The following SOS2 variants were observed in gnomAD, a reference collection of about 807,000 sequenced individuals.
SOS2 encodes the protein SOS Ras/Rho guanine nucleotide exchange factor 2.
Under a neutral mutation model 148.2 loss-of-function variants are expected in SOS2, and 65 were observed. The ratio of observed to expected loss-of-function variants is 0.44; its 90% CI spans 0.36 to 0.54. The LOEUF is 0.54. SOS2 is among the 20% of genes least tolerant of loss of function. The pLI is 0.00. For missense variants in SOS2, 1,341 were observed against 1,590.2 expected (o/e 0.84, Z 2.67); for synonymous variants, 539 against 537.1 (o/e 1.00, Z -0.05).
intron 14 of SOS2, among the ~76,000 whole-genome samples, chr14:50,146,552 A>C (rs945723140): frequency 6.6e-6 from 1 of 151,906 alleles, no homozygotes; most frequent in Non-Finnish European, 1.5e-5. Context: ...AGGCTGAGGC[A>C]GGAGAATCGC....
At chr14:50,228,301 C>T (rs916392853) in intron 1 of SOS2, among the ~76,000 whole-genome samples, 8 of 152,012 alleles carry the variant, frequency 5.3e-5, no homozygotes, top group African/African-American at 9.7e-5. Context: ...GCCTCAGCCT[C>T]CCAGAGTGCT....
intron 1 of SOS2, among the ~76,000 whole-genome samples, chr14:50,229,249 A>G (rs997786081): frequency 6.6e-6 from 1 of 152,180 alleles, no homozygotes; most frequent in Admixed American, 6.5e-5. Context: ...ATATAAAAAA[A>G]TTTTCCATAC....
At chr14:50,165,341 T>G (rs768933670) in intron 8 of SOS2, among the ~76,000 whole-genome samples, 1 of 152,234 alleles carries the variant, frequency 6.6e-6, no homozygotes, top group African/African-American at 2.4e-5. Flanking sequence ...TTCTATTGTC[T>G]CTTTTATTCT....
intron 5 of SOS2, among the ~76,000 whole-genome samples, chr14:50,187,906 A>G (rs1400505935): frequency 6.6e-6 from 1 of 152,172 alleles, no homozygotes; most frequent in Non-Finnish European, 1.5e-5. Flanking sequence ...TTCCTAGACC[A>G]TACATCTTTT....
At chr14:50,155,828 T>C (rs1296233380) in intron 12 of SOS2, 1 of 151,342 alleles carries the variant, frequency 6.6e-6, no homozygotes, top group East Asian at 1.9e-4. Context: ...AGCAACCTCA[T>C]AAATGTATGT....
chr14:50,193,590 T>A (rs941980778), intron 4 of SOS2, among the ~76,000 whole-genome samples: 1 of 152,110 alleles, frequency 6.6e-6, no homozygotes, highest in Non-Finnish European at 1.5e-5. Context: ...ATTAAAGATA[T>A]CCCTAGAAAC....
At chr14:50,227,541 G>A (rs1387181547) in intron 1 of SOS2, among the ~76,000 whole-genome samples, 2 of 152,106 alleles carry the variant, frequency 1.3e-5, no homozygotes, top group East Asian at 1.9e-4. Flanking sequence ...AGCCTCCCGA[G>A]TAGCTGGGAC....
intron 2 of SOS2, among the ~76,000 whole-genome samples, chr14:50,203,626 A>G (rs1042194879): frequency 2.6e-5 from 4 of 152,060 alleles, no homozygotes; most frequent in African/African-American, 9.7e-5. Context: ...ACATACATAT[A>G]CATTTTTTTA....
chr14:50,172,415 A>ACTGCTTTTTTTTTT (rs1885392060), intron 8 of SOS2, among the ~76,000 whole-genome samples: 1 of 21,524 alleles, frequency 4.6e-5, no homozygotes, highest in Non-Finnish European at 8.9e-5. Flanking sequence ...CTCTTTATTC[A>ACTGCTTTTTTTTTT]TTCCTTTTTT....
At chr14:50,187,247 A>G (rs1393113313) in intron 5 of SOS2, among the ~76,000 whole-genome samples, 1 of 152,064 alleles carries the variant, frequency 6.6e-6, no homozygotes, top group Non-Finnish European at 1.5e-5. Flanking sequence ...CTTGGCCTCA[A>G]GCAATCCTCC....
intron 1 of SOS2, among the ~76,000 whole-genome samples, chr14:50,221,423 G>C (rs1887199111): frequency 6.6e-6 from 1 of 151,990 alleles, no homozygotes; most frequent in South Asian, 2.1e-4. Context: ...AGTAAAGCAG[G>C]GTCTCCTTTT....
At chr14:50,224,318 C>T (rs1209604362) in intron 1 of SOS2, among the ~76,000 whole-genome samples, 2,042 of 15,026 alleles carry the variant, frequency 0.14, 84 homozygotes, top group Middle Eastern at 0.27. Flanking sequence ...TATATATACA[C>T]ACACACACAC....
At chr14:50,214,842 T>C (rs952256194) in intron 1 of SOS2, among the ~76,000 whole-genome samples, 2 of 150,528 alleles carry the variant, frequency 1.3e-5, no homozygotes, top group African/African-American at 2.4e-5. Flanking sequence ...TTCTTTCTTT[T>C]TTTTTTTTTT....
At chr14:50,180,269 G>A (rs1885688654) in intron 7 of SOS2, among the ~76,000 whole-genome samples, 1 of 149,322 alleles carries the variant, frequency 6.7e-6, no homozygotes, top group Admixed American at 6.8e-5. Flanking sequence ...CTCCCAAAAT[G>A]CTGGGATTCT....
At position 50,208,283 on chromosome 14, in the gene SOS2, T is replaced by C. The variant is rs149246356; in HGVS notation, c.88-3874A>G. Among the ~76,000 whole-genome samples, 394 of 147,406 alleles carry C rather than the reference T, an allele frequency of 2.7e-3. 1 individual carries two copies. Among genetic ancestry groups the C allele is most frequent in the South Asian group, 0.014 (66 of 4,636 alleles). ...TGTTGCACTCCAGCCTGGGTGAGAGTGAGACTCTGTCTCAAACAAACAAAT... is the reference window on the plus strand; with the variant it reads ...TGTTGCACTCCAGCCTGGGTGAGAGCGAGACTCTGTCTCAAACAAACAAAT... On this transcript the variant is annotated intron_variant, in intron 1 of 22. Coordinates refer to ENST00000216373, the MANE Select transcript of SOS2 (RefSeq NM_006939.4).
chr14:50,201,896 G>A (rs1455593471), intron 2 of SOS2, among the ~76,000 whole-genome samples: 1 of 152,182 alleles, frequency 6.6e-6, no homozygotes, highest in Non-Finnish European at 1.5e-5. Context: ...AATGGCTTAT[G>A]AAAATACGTA....
chr14:50,137,688 C>T (rs1884128677), intron 18 of SOS2, among the ~76,000 whole-genome samples: 1 of 151,556 alleles, frequency 6.6e-6, no homozygotes, highest in East Asian at 1.9e-4. Flanking sequence ...TTCATGGGTA[C>T]ATAATAGGTG....
chr14:50,150,026 A>G lies in SOS2; in HGVS notation c.2366T>C (p.Leu789Ser), dbSNP rs142863840. 42 of 1,609,946 alleles carry G rather than the reference A, an allele frequency of 2.6e-5. No homozygotes were observed. In the African/African-American group the frequency reaches 5.6e-4, roughly 22 times the overall value. ...TGTCTACCTGTAAAGATCAGACTCC[A>G]AAAGTGTCAGCTGACGTGCAATTTC... Reference protein sequence around the residue: ...PIEIARQLTLLESDLYRKVQP... With the variant: ...PIEIARQLTLSESDLYRKVQP... The change falls in exon 14 of 23, where the codon TTG becomes TCG. Residue 789 changes from leucine to serine, a missense_variant. Leu to Ser is a moderately radical substitution (Grantham distance 145). Coordinates refer to ENST00000216373, the MANE Select transcript of SOS2 (RefSeq NM_006939.4).
At chr14:50,149,023 G>GACTACAGGGGC (rs1323779119) in intron 14 of SOS2, among the ~76,000 whole-genome samples, 1 of 152,152 alleles carries the variant, frequency 6.6e-6, no homozygotes, top group Non-Finnish European at 1.5e-5. Flanking sequence ...GGGCAACTGG[G>GACTACAGGGGC]ACTACAGGGG....
Sources: gnomAD v4.1 joint callset for allele counts (sites outside exome capture counted in the v4.1 genomes callset) on GRCh38, gnomAD v4.1.1 for gene constraint, MANE v1.5 for transcripts, NCBI Gene and HGNC (gene_info 2026-07-23, HGNC 2026-07-21) for gene names.